The following SLC5A11 variants were observed in gnomAD, a reference collection of about 807,000 sequenced individuals.
The protein encoded by SLC5A11 is sodium/myo-inositol cotransporter 2.
In SLC5A11, 48 loss-of-function variants were observed where a neutral mutation model predicts 69.8. The ratio of observed to expected loss-of-function variants is 0.69; its 90% confidence interval spans 0.55 to 0.87. SLC5A11 has a LOEUF of 0.87. Ranked by LOEUF, SLC5A11 falls within the 40% of genes least tolerant of loss-of-function variation. The pLI is 0.00. For missense variants in SLC5A11, 784 were observed against 866.1 expected (o/e 0.91, Z 1.19); for synonymous variants, 319 against 342.4 (o/e 0.93, Z 0.75).
rs2047725042 is a variant in SLC5A11, at chr16:24,877,111, G to A, written c.478-147G>A. 3 of 1,499,180 alleles carry A rather than the reference G, an allele frequency of 2.0e-6. No individual in the cohort carries two copies. The East Asian group carries it at 7.0e-5, about 35-fold the overall frequency. 92.9% of individuals were successfully genotyped at this position (1,499,180 alleles called of 1,614,324 possible). On this transcript the variant is annotated intron_variant, in intron 6 of 15. Transcript: ENST00000347898. Reference sequence around the variant, plus strand: ...CAGCTGAAGACCCCTGATCTGGGATGCAGTGGATTAACAAGGGATGACGTA... The same window carrying A: ...CAGCTGAAGACCCCTGATCTGGGATACAGTGGATTAACAAGGGATGACGTA...
At chr16:24,854,160 G>A (rs1377711681) in intron 1 of SLC5A11, among the ~76,000 whole-genome samples, 1 of 152,200 alleles carries the variant, frequency 6.6e-6, no homozygotes, top group South Asian at 2.1e-4. Flanking sequence ...GGACAGGGAG[G>A]ACTGGCTCAC....
chr16:24,846,356 C>G (rs370109994), exon 1 of SLC5A11: 4 of 152,348 alleles, frequency 2.6e-5, no homozygotes, highest in African/African-American at 9.7e-5. Context: ...GGGTATCTCC[C>G]TCCTTACAAC....
chr16:24,911,515 C>G (rs1470887087), exon 16 of SLC5A11: 1 of 1,614,154 alleles, frequency 6.2e-7, no homozygotes, highest in East Asian at 2.2e-5. Context: ...CCATCTTTAT[C>G]TGGGGCTATT....
At chr16:24,872,370 A>C in intron 5 of SLC5A11, 151 bp downstream of exon 6, 1 of 886,484 alleles carries the variant, frequency 1.1e-6, no homozygotes, top group Non-Finnish European at 1.8e-6. Flanking sequence ...GGGAGGGATG[A>C]TCCACAGGTG....
rs767660989 is a variant in SLC5A11 at position 24,898,085 on chromosome 16, A to G, written c.982A>G (p.Met328Val). 5.0e-5 allele frequency: 81 copies of G among 1,614,072 alleles called. No individual in the cohort carries two copies. In the African/African-American group the frequency reaches 9.2e-4, roughly 18 times the overall value. ...CCTCTTCATAATGGTGTTCCCTGGG[A>G]TGGTCAGCCGCATCCTCTTCCCAGG... The change falls in exon 10 of 16, where the codon ATG becomes GTG. Residue 328 changes from methionine to valine, a missense_variant. Physicochemically the swap from Met to Val is conservative, Grantham distance 21 (BLOSUM62 1). Coordinates refer to ENST00000347898, the Ensembl canonical transcript of SLC5A11.
intron 3 of SLC5A11, among the ~76,000 whole-genome samples, chr16:24,866,919 T>C (rs1336028572): frequency 2.0e-5 from 3 of 152,056 alleles, no homozygotes; most frequent in African/African-American, 4.8e-5. Flanking sequence ...AAATAGACAA[T>C]TCAAACACTA....
chr16:24,911,142 C>A (rs2050489435), intron 15 of SLC5A11, among the ~76,000 whole-genome samples, 186 bp from the exon 17 acceptor site: 1 of 139,244 alleles, frequency 7.2e-6, no homozygotes. Flanking sequence ...GCACTCCAGC[C>A]TGGACGACAG....
chr16:24,898,171 C>T, intron 10 of SLC5A11, 62 bp downstream of exon 11: 1 of 1,564,544 alleles, frequency 6.4e-7, no homozygotes, highest in Non-Finnish European at 8.7e-7. Context: ...GTGAATTATT[C>T]TAAACATATT....
intron 9 of SLC5A11, among the ~76,000 whole-genome samples, chr16:24,895,142 G>T (rs1006643267): frequency 6.9e-6 from 1 of 145,088 alleles, no homozygotes; most frequent in Non-Finnish European, 1.5e-5. Context: ...AAGAAAGAAA[G>T]AAAAAAAAAA....
intron 3 of SLC5A11, among the ~76,000 whole-genome samples, chr16:24,864,175 G>A (rs946600901): frequency 6.6e-6 from 1 of 152,194 alleles, no homozygotes; most frequent in East Asian, 1.9e-4. Flanking sequence ...AGAAGGCCAT[G>A]TGCATAGGCC....
In SLC5A11 at chr16:24,907,067, T is replaced by G. The variant is rs201298732; in HGVS notation, c.1157T>G (p.Met386Arg). The change falls in exon 12 of 16, where the codon ATG becomes AGG. Residue 386 changes from methionine to arginine, a missense_variant. This residue lies in a region of SLC5A11 where 550 missense variants were observed against 606.4 expected (regional missense o/e 0.91). Coordinates refer to ENST00000347898, the Ensembl canonical transcript of SLC5A11. The stretch of plus-strand genomic sequence containing the variant: ...ATGGCTGTGATGGTGGCGGCTCTCA[T>G]GTCCTCCCTCACCTCCATCTTTAAC... The G allele has an allele frequency of 6.2e-7, 1 of 1,614,106 alleles. No individual in the cohort carries two copies. The highest frequency in any genetic ancestry group is 2.2e-5 in the East Asian group (1 of 44,886).
At chr16:24,864,726 C>A (rs149933486) in intron 3 of SLC5A11, among the ~76,000 whole-genome samples, 4,685 of 152,110 alleles carry the variant, frequency 0.031, 103 homozygotes, top group Non-Finnish European at 0.042. Flanking sequence ...ATCCAAAAAA[C>A]ACACAAAAAA....
chr16:24,894,827 AGG>A (rs1311320913), intron 9 of SLC5A11, among the ~76,000 whole-genome samples: 2 of 151,384 alleles, frequency 1.3e-5, no homozygotes, highest in Non-Finnish European at 1.5e-5. Flanking sequence ...ACAAACAAAA[AGG>A]AACCACTTGG....
intron 7 of SLC5A11, among the ~76,000 whole-genome samples, chr16:24,882,021 A>T (rs965272989): frequency 6.6e-6 from 1 of 152,214 alleles, no homozygotes; most frequent in African/African-American, 2.4e-5. Context: ...GAGTTCTCAG[A>T]ACTAGCAGAA....
intron 2 of SLC5A11, among the ~76,000 whole-genome samples, chr16:24,861,123 T>C (rs761347281): frequency 6.6e-6 from 1 of 152,178 alleles, no homozygotes; most frequent in Non-Finnish European, 1.5e-5. Flanking sequence ...GCCTTATTTC[T>C]ATTAGGTTCT....
At chr16:24,885,656 C>CAAAAAA (rs748412604) in intron 8 of SLC5A11, among the ~76,000 whole-genome samples, 2 of 65,934 alleles carry the variant, frequency 3.0e-5, no homozygotes, top group African/African-American at 6.4e-5. Flanking sequence ...GACCCTGTCT[C>CAAAAAA]AAAAAAAAAA....
At chr16:24,902,088 G>A (rs1235276991) in intron 10 of SLC5A11, among the ~76,000 whole-genome samples, 1 of 152,106 alleles carries the variant, frequency 6.6e-6, no homozygotes, top group African/African-American at 2.4e-5. Flanking sequence ...TTCCAGACTG[G>A]GTGACAAAGT....
At chr16:24,886,460 C>A (rs747620432) in intron 8 of SLC5A11, among the ~76,000 whole-genome samples, 7 of 59,422 alleles carry the variant, frequency 1.2e-4, no homozygotes, top group Admixed American at 2.1e-4. Flanking sequence ...TATTCTTTTT[C>A]TTTCTTTCTG....
At chr16:24,870,537 T>C (rs1194373436) in intron 4 of SLC5A11, among the ~76,000 whole-genome samples, 2 of 151,146 alleles carry the variant, frequency 1.3e-5, no homozygotes, top group Non-Finnish European at 2.9e-5. Context: ...CCCAGCACTT[T>C]GGGAGGCCAA....
Sources: allele counts gnomAD v4.1 joint callset (sites outside exome capture counted in the v4.1 genomes callset), GRCh38; gene constraint gnomAD v4.1.1; regional missense constraint gnomAD v4.1.1; transcripts MANE v1.5; gene names NCBI Gene and HGNC (gene_info 2026-07-23, HGNC 2026-07-21).